The following PSME4 variants were observed in gnomAD, a reference collection of about 807,000 sequenced individuals.
The protein encoded by PSME4 is proteasome activator subunit 4.
A neutral mutation model predicts 253.9 loss-of-function variants in PSME4; 89 were observed. The ratio of observed to expected loss-of-function variants is 0.35; its 90% CI spans 0.30 to 0.42. The LOEUF (loss-of-function observed/expected upper bound fraction) is 0.42, where lower values mean the gene tolerates loss of function less well. PSME4 is among the 10% of genes least tolerant of loss of function. PSME4 has a pLI of 1.00. For missense variants in PSME4, 2,014 were observed against 2,195.2 expected, an observed-to-expected ratio of 0.92 and a Z score of 1.65; for synonymous variants, 851 against 759.2, an observed-to-expected ratio of 1.12 and a Z score of -1.99.
intron 1 of PSME4, among the ~76,000 whole-genome samples, chr2:53,959,884 T>C (rs1670403360): frequency 6.6e-6 from 1 of 152,134 alleles, no homozygotes. Flanking sequence ...CGCAATCAAA[T>C]AAGACAGTCA....
At chr2:53,934,177 A>G (rs1324329592) in intron 8 of PSME4, among the ~76,000 whole-genome samples, 1 of 152,188 alleles carries the variant, frequency 6.6e-6, no homozygotes, top group African/African-American at 2.4e-5. Context: ...GTAATCCTTC[A>G]CATCTCTCCC....
intron 41 of PSME4, 146 bp from the exon 42 acceptor site, chr2:53,875,901 C>T (rs1477036663): frequency 1.9e-5 from 12 of 644,150 alleles, no homozygotes; most frequent in Non-Finnish European, 2.9e-5. Context: ...CATAATGAAC[C>T]CCCATGAGCC....
chr2:53,890,034 A>G, intron 37 of PSME4, 70 bp downstream of exon 37: 1 of 1,180,960 alleles, frequency 8.5e-7, no homozygotes, highest in South Asian at 1.3e-5. Flanking sequence ...GAGATTTCAC[A>G]CACTTTGAGA....
chr2:53,893,677 A>G lies in PSME4; in HGVS notation c.4035T>C (p.Phe1345=), dbSNP rs143248582. 37 of 1,609,662 alleles carry G rather than the reference A, an allele frequency of 2.3e-5. No homozygotes were observed. The highest frequency in any genetic ancestry group is 2.9e-5 in the Non-Finnish European group (34 of 1,177,596). Reference sequence around the variant, plus strand: ...GATATGTAAACAATATAGTTACCTTAAAGAGGCAAAAACGTCGTGGATTAA... The same window carrying G: ...GATATGTAAACAATATAGTTACCTTGAAGAGGCAAAAACGTCGTGGATTAA... ...DKFNPRRFCL[F]KGIFRNFDDA... The change falls in exon 35 of 47, where the codon TTT becomes TTC. Residue 1345 remains phenylalanine (F), a synonymous_variant. Transcript: ENST00000404125.
intron 21 of PSME4, 96 bp from the exon 22 acceptor site, chr2:53,908,936 T>C: frequency 1.1e-6 from 1 of 905,250 alleles, no homozygotes; most frequent in Non-Finnish European, 1.7e-6. Flanking sequence ...AGGGATAAAG[T>C]ATTGGAGAAA....
chr2:53,899,801 G>A lies in PSME4; in HGVS notation c.3422+80C>T. The A allele has an allele frequency of 4.0e-6, 6 of 1,512,848 alleles. No homozygotes were observed. The East Asian group carries it at 1.4e-4, about 34-fold the overall frequency. The allele number at this position is 1,512,848 out of a possible 1,614,324, so 93.7% of individuals were successfully genotyped here. A position where few individuals can be genotyped will look rare whatever the true frequency, so the allele number is the denominator to read the frequency against. On this transcript the variant is annotated intron_variant, in intron 29 of 46. Coordinates refer to ENST00000404125, the MANE Select transcript of PSME4 (RefSeq NM_014614.3). ...TCACTGTACTCCAGCCTGGGCAACA[G>A]AGCAAGACTCTGTCTCAAAAAAAAG...
chr2:53,882,900 CAA>C (rs71850883), intron 41 of PSME4, among the ~76,000 whole-genome samples: 1 of 121,960 alleles, frequency 8.2e-6, no homozygotes, highest in Admixed American at 8.0e-5. Flanking sequence ...TGAGGAAATA[CAA>C]AAAAAAATAA....
intron 26 of PSME4, among the ~76,000 whole-genome samples, chr2:53,904,659 C>T (rs1680564912): frequency 6.6e-6 from 1 of 152,144 alleles, no homozygotes; most frequent in Admixed American, 6.5e-5. Flanking sequence ...TATAAATTTA[C>T]AACTTATGAA....
At chr2:53,897,812 A>T (rs1482026017) in intron 31 of PSME4, 58 bp downstream of exon 31, 6 of 1,549,162 alleles carry the variant, frequency 3.9e-6, no homozygotes, top group Non-Finnish European at 5.3e-6. Flanking sequence ...GAATTTAAAG[A>T]CTTCAGGTCA....
chr2:53,873,447 T>A (rs1316847579), intron 43 of PSME4, among the ~76,000 whole-genome samples: 1 of 152,146 alleles, frequency 6.6e-6, no homozygotes, highest in Non-Finnish European at 1.5e-5. Flanking sequence ...AAGACAAAAC[T>A]ATGAAGTCCA....
intron 1 of PSME4, among the ~76,000 whole-genome samples, chr2:53,962,710 T>C (rs1007675332): frequency 6.6e-6 from 1 of 152,182 alleles, no homozygotes; most frequent in East Asian, 1.9e-4. Context: ...TGAACAAAAA[T>C]GTGCACTGAA....
intron 3 of PSME4, among the ~76,000 whole-genome samples, chr2:53,945,193 C>G (rs895137101): frequency 6.6e-6 from 1 of 152,162 alleles, no homozygotes; most frequent in Non-Finnish European, 1.5e-5. Context: ...TTGTTAGTAG[C>G]AACACCATTA....
intron 3 of PSME4, among the ~76,000 whole-genome samples, chr2:53,947,728 TGAA>T (rs1447127494): frequency 1.0e-5 from 1 of 95,652 alleles, no homozygotes; most frequent in Non-Finnish European, 2.1e-5. Flanking sequence ...ACAAAAACAC[TGAA>T]GAGGCCAGGC....
chr2:53,925,321 G>T (rs764295845), intron 14 of PSME4, among the ~76,000 whole-genome samples: 1 of 152,150 alleles, frequency 6.6e-6, no homozygotes, highest in African/African-American at 2.4e-5. Flanking sequence ...TTTGTCAGTC[G>T]CAAAAGCTTG....
chr2:53,881,146 T>G, intron 41 of PSME4, among the ~76,000 whole-genome samples: 1 of 152,196 alleles, frequency 6.6e-6, no homozygotes, highest in South Asian at 2.1e-4. Flanking sequence ...TGTTAACCAG[T>G]AGAAAATGCT....
intron 1 of PSME4, among the ~76,000 whole-genome samples, chr2:53,965,385 C>G (rs183965344): frequency 1.3e-5 from 2 of 151,876 alleles, no homozygotes; most frequent in Non-Finnish European, 2.9e-5. Flanking sequence ...GCGAGTGCCA[C>G]CATACCAGCC....
At chr2:53,953,893 A>G (rs1558425720) in intron 1 of PSME4, among the ~76,000 whole-genome samples, 1 of 152,260 alleles carries the variant, frequency 6.6e-6, no homozygotes, top group African/African-American at 2.4e-5. Flanking sequence ...TCCAGAATAT[A>G]TGGATAACAA....
In PSME4 at chr2:53,885,699, C is replaced by T. The variant is rs780040558; in HGVS notation, c.4806G>A (p.Leu1602=). The change falls in exon 41 of 47, where the codon TTG becomes TTA. Residue 1602 remains leucine, a synonymous_variant. Transcript: ENST00000404125. ...TTCAGCAAAACCTTACCTTGAAAAA[C>T]AAAGGTAGAAGCTGAAGTTGTTCTG... ...AVTEQLQLLP[L]FFKIAPVEND... 9 of 1,610,068 alleles carry T rather than the reference C, an allele frequency of 5.6e-6. No individual in the cohort carries two copies. Among genetic ancestry groups the T allele is most frequent in the Non-Finnish European group, 7.6e-6 (9 of 1,176,778 alleles).
intron 3 of PSME4, among the ~76,000 whole-genome samples, chr2:53,944,116 C>G (rs538388609): frequency 6.6e-6 from 1 of 152,116 alleles, no homozygotes; most frequent in South Asian, 2.1e-4. Context: ...AGCACAGAAA[C>G]AACTTTTGTG....
Sources: allele counts gnomAD v4.1 joint callset (sites outside exome capture counted in the v4.1 genomes callset), GRCh38; gene constraint gnomAD v4.1.1; transcripts MANE v1.5; gene names NCBI Gene and HGNC (gene_info 2026-07-23, HGNC 2026-07-21).